ZBTB16: variants seen among roughly 807,000 people sequenced by gnomAD.
ZBTB16 encodes zinc finger and BTB domain containing 16, also known as zinc finger and BTB domain-containing protein 16.
A neutral mutation model predicts 56.8 loss-of-function variants in ZBTB16; 8 were observed. The ratio of observed to expected loss-of-function variants is 0.14; its 90% CI spans 0.08 to 0.25. The LOEUF (loss-of-function observed/expected upper bound fraction) is 0.25. ZBTB16 is among the 10% of genes least tolerant of loss of function. The pLI, the probability that ZBTB16 is intolerant of heterozygous loss-of-function variation, is 1.00. For synonymous variants in ZBTB16, 363 were observed against 368.5 expected, an observed-to-expected ratio of 0.98 and a Z score of 0.17; for missense variants, 625 against 903.0, an observed-to-expected ratio of 0.69 and a Z score of 3.95.
In ZBTB16 at chr11:114,082,114, T is replaced by TCCA. The variant is rs150038900; in HGVS notation, c.1268+17546_1268+17547insCCA. 7.6e-3 allele frequency among the ~76,000 whole-genome samples: 989 copies of TCCA among 129,948 alleles called. 20 individuals are homozygous for TCCA. Among genetic ancestry groups the TCCA allele is most frequent in the African/African-American group, 0.02 (684 of 33,472 alleles). 85.3% of individuals were successfully genotyped at this position (129,948 alleles called of 152,430 possible). A position where few individuals can be genotyped will look rare whatever the true frequency, so the allele number is the denominator to read the frequency against. Reference sequence around the variant, plus strand: ...TTGGGCAATATAGCGAGACGATCTTTACAAAAAAAAAAAAAAAATTAAAAA... The same window carrying TCCA: ...TTGGGCAATATAGCGAGACGATCTTTCCAACAAAAAAAAAAAAAAAATTAAAAA... On this transcript the variant is annotated intron_variant, in intron 2 of 6. Transcript: ENST00000335953.
chr11:114,159,642 G>A (rs905130015), intron 3 of ZBTB16, among the ~76,000 whole-genome samples: 1 of 152,162 alleles, frequency 6.6e-6, no homozygotes, highest in African/African-American at 2.4e-5. Flanking sequence ...GGACTTGTTG[G>A]GGAGTTGGGG....
intron 3 of ZBTB16, among the ~76,000 whole-genome samples, chr11:114,168,044 C>T (rs1301799825): frequency 6.6e-6 from 1 of 152,214 alleles, no homozygotes; most frequent in Non-Finnish European, 1.5e-5. Flanking sequence ...CACCTGTCAC[C>T]TTCTTTGTTA....
intron 2 of ZBTB16, among the ~76,000 whole-genome samples, chr11:114,116,736 C>T (rs1941186070): frequency 6.6e-6 from 1 of 152,162 alleles, no homozygotes. Context: ...TAGAATAAAA[C>T]ATGTTCCCTA....
intron 2 of ZBTB16, among the ~76,000 whole-genome samples, chr11:114,091,861 A>G (rs548827491): frequency 1.3e-5 from 2 of 152,186 alleles, no homozygotes; most frequent in South Asian, 2.1e-4. Flanking sequence ...AAGCAGTGGT[A>G]TTCTGGGATG....
At chr11:114,093,635 C>T (rs1471940937) in intron 2 of ZBTB16, among the ~76,000 whole-genome samples, 2 of 152,202 alleles carry the variant, frequency 1.3e-5, no homozygotes, top group Non-Finnish European at 2.9e-5. Context: ...ATATTCTTGG[C>T]TCTTGTGCCA....
intron 4 of ZBTB16, among the ~76,000 whole-genome samples, chr11:114,229,834 T>C (rs1944401270): frequency 6.6e-6 from 1 of 152,110 alleles, no homozygotes; most frequent in African/African-American, 2.4e-5. Context: ...AGATGGGTGG[T>C]ATTGGGCCGG....
intron 4 of ZBTB16, among the ~76,000 whole-genome samples, chr11:114,215,322 C>T (rs1356450699): frequency 6.6e-6 from 1 of 152,128 alleles, no homozygotes; most frequent in Non-Finnish European, 1.5e-5. Context: ...TTCACTTGTT[C>T]CCTTCTCTGC....
chr11:114,235,690 C>CTTTCTTTCT (rs1555159923), intron 4 of ZBTB16, among the ~76,000 whole-genome samples: 25 of 68,286 alleles, frequency 3.7e-4, no homozygotes, highest in African/African-American at 1.4e-3. Context: ...TTCTTTCTTT[C>CTTTCTTTCT]TTTTCTTTCT....
At chr11:114,105,855 T>G (rs761554753) in intron 2 of ZBTB16, among the ~76,000 whole-genome samples, 22 of 152,222 alleles carry the variant, frequency 1.4e-4, no homozygotes, top group Non-Finnish European at 2.6e-4. Flanking sequence ...CTTTGCTTCA[T>G]GTTAATACAG....
chr11:114,182,622 G>A (rs1295701123), intron 3 of ZBTB16, among the ~76,000 whole-genome samples: 1 of 152,192 alleles, frequency 6.6e-6, no homozygotes. Context: ...TTGAGCCCCA[G>A]GAAATTTTGT....
chr11:114,199,900 G>GA (rs1943696924), intron 4 of ZBTB16, among the ~76,000 whole-genome samples: 1 of 152,126 alleles, frequency 6.6e-6, no homozygotes, highest in Non-Finnish European at 1.5e-5. Flanking sequence ...AGGCCGAGGT[G>GA]GGCGGATCAT....
chr11:114,213,456 G>A (rs928457616), intron 4 of ZBTB16, among the ~76,000 whole-genome samples: 1 of 151,984 alleles, frequency 6.6e-6, no homozygotes, highest in Non-Finnish European at 1.5e-5. Context: ...TTAAATTAGC[G>A]AATGCTAATT....
rs1385869859 is a variant in ZBTB16 at position 114,186,913 on chromosome 11, A to G, written c.1367-39A>G. 5.6e-6 allele frequency: 9 copies of G among 1,600,596 alleles called. No individual in the cohort carries two copies. In the Admixed American group the frequency reaches 1.3e-4, roughly 24 times the overall value. On this transcript the variant is annotated intron_variant, in intron 3 of 6. Transcript: ENST00000335953. Reference sequence around the variant, plus strand: ...CCAGGACCTCCCCGCTCACCAGTGGACTATTGCTCTAGTGGTAACTGCCTC... The same window carrying G: ...CCAGGACCTCCCCGCTCACCAGTGGGCTATTGCTCTAGTGGTAACTGCCTC...
intron 2 of ZBTB16, among the ~76,000 whole-genome samples, chr11:114,133,308 C>T (rs1941715159): frequency 6.6e-6 from 1 of 152,136 alleles, no homozygotes; most frequent in South Asian, 2.1e-4. Context: ...ACCCCTGGCA[C>T]CTTGTGGTGC....
chr11:114,120,942 G>A (rs1245389483), intron 2 of ZBTB16, among the ~76,000 whole-genome samples: 1 of 152,202 alleles, frequency 6.6e-6, no homozygotes, highest in Admixed American at 6.5e-5. Flanking sequence ...GCCGCTTCAA[G>A]ATGGTGCCTC....
rs778496413 is a variant in ZBTB16, at chr11:114,247,346, G to A, written c.1773G>A (p.Thr591=). 2.5e-5 allele frequency: 40 copies of A among 1,614,142 alleles called. No individual in the cohort carries two copies. Among genetic ancestry groups the A allele is most frequent in the South Asian group, 1.6e-4 (15 of 91,088 alleles). ...TCAGCCTCAAGCATCAGCTGGAGAC[G>A]CACTATAGGGTGCACACAGGTACCG... The part of the protein sequence containing the change: ...KKFSLKHQLE[T]HYRVHTGEKP... Residue 591 remains threonine, a synonymous_variant, in exon 6 of 7, where the codon ACG becomes ACA. Coordinates refer to ENST00000335953, the MANE Select transcript of ZBTB16 (RefSeq NM_006006.6).
intron 2 of ZBTB16, among the ~76,000 whole-genome samples, chr11:114,144,729 T>A (rs900641804): frequency 1.3e-5 from 2 of 152,238 alleles, no homozygotes; most frequent in African/African-American, 4.8e-5. Flanking sequence ...TTTTAATTAT[T>A]ATTAAGTATA....
At chr11:114,102,824 T>C (rs1327630468) in intron 2 of ZBTB16, among the ~76,000 whole-genome samples, 1 of 152,192 alleles carries the variant, frequency 6.6e-6, no homozygotes, top group Non-Finnish European at 1.5e-5. Flanking sequence ...TGTGGCTTTC[T>C]TCTTGGGCTT....
chr11:114,148,863 G>GGTGT (rs35071911), intron 2 of ZBTB16, among the ~76,000 whole-genome samples: 6,113 of 144,004 alleles, frequency 0.042, 389 homozygotes, highest in African/African-American at 0.14. Flanking sequence ...GTTTTTTACT[G>GGTGT]GTGTGTGTGT....
Sources: gnomAD v4.1 joint callset for allele counts (sites outside exome capture counted in the v4.1 genomes callset) on GRCh38, gnomAD v4.1.1 for gene constraint, MANE v1.5 for transcripts, NCBI Gene and HGNC (gene_info 2026-07-23, HGNC 2026-07-21) for gene names.